SENP1: variants seen among roughly 807,000 people sequenced by gnomAD.
The protein encoded by SENP1 is SUMO specific peptidase 1, also known as sentrin-specific protease 1.
Under a neutral mutation model 93.0 loss-of-function variants are expected in SENP1, and 21 were observed. That is an observed-to-expected ratio of 0.23 (90% CI 0.16 to 0.33). The LOEUF (loss-of-function observed/expected upper bound fraction) is 0.33, where lower values mean the gene tolerates loss of function less well. Among genes scored for constraint, SENP1 ranks in the 10% least tolerant of loss-of-function variants. SENP1 has a pLI of 1.00. For missense variants in SENP1, 591 were observed against 758.7 expected, an observed-to-expected ratio of 0.78 and a Z score of 2.60; for synonymous variants, 256 against 259.6, an observed-to-expected ratio of 0.99 and a Z score of 0.13.
rs1458929913 is a variant in SENP1, at chr12:48,044,333, T to C, written c.*989A>G. Reference sequence around the variant, plus strand: ...CATTCAGTCTTTAAAAAAAAAAGCATATCCCTGTGAAATTTTATACATACA... The same window carrying C: ...CATTCAGTCTTTAAAAAAAAAAGCACATCCCTGTGAAATTTTATACATACA... On this transcript the variant is annotated 3_prime_UTR_variant, in exon 18 of 18. Coordinates refer to ENST00000549518, the MANE Select transcript of SENP1 (RefSeq NM_001267594.2). The C allele has an allele frequency of 6.8e-6, 1 of 147,506 alleles. No individual in the cohort carries two copies. Among genetic ancestry groups the C allele is most frequent in the East Asian group, 2.0e-4 (1 of 5,034 alleles). The allele number at this position is 147,506 out of a possible 1,614,324, so 9.1% of individuals were successfully genotyped here.
At chr12:48,085,450 C>A in intron 5 of SENP1, 1 of 762,906 alleles carries the variant, frequency 1.3e-6, no homozygotes, top group Non-Finnish European at 2.1e-6. Flanking sequence ...CCTCACAGCC[C>A]TCAGCCCTTC....
chr12:48,046,375 C>T lies in SENP1; in HGVS notation c.1853G>A (p.Arg618Lys). The change falls in exon 17 of 18, where the codon AGA becomes AAA. Residue 618 changes from arginine to lysine, a missense_variant. This residue lies in a region of SENP1 where 132 missense variants were observed against 230.1 expected (regional missense o/e 0.57). Coordinates refer to ENST00000549518, the MANE Select transcript of SENP1 (RefSeq NM_001267594.2). ...CKYADCITKDRPINFTQQHMP... is the reference protein window; with the variant it reads ...CKYADCITKDKPINFTQQHMP... The stretch of plus-strand genomic sequence containing the variant: ...GCTCACCTGTGTGAAGTTGATTGGT[C>T]TGTCTTTGGTAATACAGTCAGCATA... 6.2e-7 allele frequency: 1 copy of T among 1,612,828 alleles called. No homozygotes were observed. The highest frequency in any genetic ancestry group is 8.5e-7 in the Non-Finnish European group (1 of 1,178,970).
At chr12:48,060,584 A>G (rs1009918797) in intron 13 of SENP1, among the ~76,000 whole-genome samples, 3 of 152,076 alleles carry the variant, frequency 2.0e-5, no homozygotes, top group Admixed American at 2.0e-4. Flanking sequence ...CCCTTTTTCT[A>G]AAAAACAGAC....
chr12:48,078,669 C>T (rs1308974361), intron 6 of SENP1, among the ~76,000 whole-genome samples: 5 of 151,906 alleles, frequency 3.3e-5, no homozygotes, highest in African/African-American at 4.8e-5. Flanking sequence ...TACAGGCACC[C>T]GCCACCACGC....
rs191616456 is a variant in SENP1 at position 48,057,010 on chromosome 12, C to T, written c.1407+6700G>A. ...TATAAATATATTATTTAATATATTA[C>T]ATATTACATATATAAATATATTATT... On this transcript the variant is annotated intron_variant, in intron 13 of 17. Coordinates refer to ENST00000549518, the MANE Select transcript of SENP1 (RefSeq NM_001267594.2). Among the ~76,000 whole-genome samples, 241 of 41,918 alleles carry T rather than the reference C, an allele frequency of 5.7e-3. 29 individuals carry two copies. In the East Asian group the frequency reaches 0.091, roughly 16 times the overall value. 27.5% of individuals were successfully genotyped at this position (41,918 alleles called of 152,430 possible).
In SENP1 at chr12:48,091,204, C is replaced by T. The variant is rs191664839; in HGVS notation, c.221-2244G>A. Among the ~76,000 whole-genome samples the T allele has an allele frequency of 2.4e-3, 370 of 152,282 alleles. 1 individual carries two copies. Among genetic ancestry groups the T allele is most frequent in the Non-Finnish European group, 4.6e-3 (315 of 68,012 alleles). On this transcript the variant is annotated intron_variant, in intron 4 of 17. Transcript: ENST00000549518. ...GTAGCTCACGCCTGTAATCCCAACA[C>T]TTTGGGAGGCGGAGGCAGGTGGATC...
At chr12:48,053,200 G>A (rs920058553) in intron 13 of SENP1, among the ~76,000 whole-genome samples, 1 of 152,098 alleles carries the variant, frequency 6.6e-6, no homozygotes, top group Non-Finnish European at 1.5e-5. Context: ...ACAAAGCTGG[G>A]TGTGGGCTCC....
Position 48,078,317 on chromosome 12 carries a change from TTATA to T in SENP1, c.553-3528_553-3525del, listed in dbSNP as rs370021236. ...GTTTTTTGGTGGAGTCTGTAGGATT[TTATA>T]TATATATATATATACACACACATAT... On this transcript the variant is annotated intron_variant, in intron 6 of 17. Coordinates refer to ENST00000549518, the MANE Select transcript of SENP1 (RefSeq NM_001267594.2). Among the ~76,000 whole-genome samples the T allele has an allele frequency of 4.1e-4, 29 of 70,736 alleles. 1 individual carries two copies. The highest frequency in any genetic ancestry group is 1.3e-3 in the South Asian group (2 of 1,526). The allele number at this position is 70,736 out of a possible 152,430, so 46.4% of individuals were successfully genotyped here.
chr12:48,071,114 A>G (rs1022605344), intron 9 of SENP1, among the ~76,000 whole-genome samples: 4 of 152,094 alleles, frequency 2.6e-5, no homozygotes, highest in African/African-American at 9.7e-5. Flanking sequence ...AACAAATGAA[A>G]AAAGAGCAAG....
chr12:48,077,728 C>T (rs912733379), intron 6 of SENP1, among the ~76,000 whole-genome samples: 14 of 151,994 alleles, frequency 9.2e-5, no homozygotes, highest in Non-Finnish European at 4.4e-5. Flanking sequence ...GCTATTCCTC[C>T]CCACTCCCCC....
chr12:48,057,613 T>C (rs1942644077), intron 13 of SENP1, among the ~76,000 whole-genome samples: 1 of 105,838 alleles, frequency 9.4e-6, no homozygotes, highest in African/African-American at 4.3e-5. Flanking sequence ...ATTTTATATA[T>C]GTATATATTT....
chr12:48,067,273 G>A (rs1296681589), intron 9 of SENP1, among the ~76,000 whole-genome samples: 2 of 152,160 alleles, frequency 1.3e-5, no homozygotes, highest in African/African-American at 4.8e-5. Context: ...ACGTGAAAGA[G>A]GACATCACTT....
chr12:48,076,787 T>G (rs1016981409), intron 6 of SENP1, among the ~76,000 whole-genome samples: 1 of 151,206 alleles, frequency 6.6e-6, no homozygotes, highest in African/African-American at 2.4e-5. Context: ...GAACTACAGG[T>G]GTGCGCCACC....
intron 8 of SENP1, among the ~76,000 whole-genome samples, chr12:48,073,524 G>A (rs1287803614): frequency 6.6e-6 from 1 of 151,970 alleles, no homozygotes; most frequent in Non-Finnish European, 1.5e-5. Context: ...CTTGTTTTAA[G>A]TTGCATACCT....
intron 6 of SENP1, among the ~76,000 whole-genome samples, chr12:48,077,585 CT>C (rs375395018): frequency 0.015 from 2,306 of 151,450 alleles, 77 homozygotes; most frequent in African/African-American, 0.053. Context: ...AACGGGTTCA[CT>C]TTTTTTTTCG....
At chr12:48,053,096 T>C (rs1001257507) in intron 13 of SENP1, among the ~76,000 whole-genome samples, 1 of 152,188 alleles carries the variant, frequency 6.6e-6, no homozygotes, top group Non-Finnish European at 1.5e-5. Flanking sequence ...ATCACTCAGA[T>C]TTAACTACTC....
rs1943215829 is a variant in SENP1 at position 48,065,201 on chromosome 12, T to C, written c.1139A>G (p.His380Arg). The C allele has an allele frequency of 6.2e-7, 1 of 1,604,478 alleles. No individual in the cohort carries two copies. The highest frequency in any genetic ancestry group is 2.2e-5 in the East Asian group (1 of 44,720). Residue 380 changes from histidine (H) to arginine (R), a missense_variant, in exon 12 of 18, where the codon CAT (histidine) becomes CGT (arginine). By Grantham distance (29) the His-to-Arg change is conservative. Coordinates refer to ENST00000549518, the MANE Select transcript of SENP1 (RefSeq NM_001267594.2). ...TAGTTCTACTGAATCATGTACTGAA[T>C]GTTCCCGCTCCTGCAATCTCTGAAA... ...LQNQRLQERE[H>R]SVHDSVELHL... is the part of the protein sequence containing the mutation.
intron 15 of SENP1, 85 bp from the exon 16 acceptor site, chr12:48,047,147 G>C (rs998883889): frequency 2.3e-5 from 19 of 810,406 alleles, no homozygotes; most frequent in Non-Finnish European, 3.7e-5. Flanking sequence ...ACAATACCTA[G>C]GAACAAATTT....
In SENP1 at chr12:48,047,548, A is replaced by C. The variant is rs61520103; in HGVS notation, c.1691+453T>G. Among the ~76,000 whole-genome samples the C allele has an allele frequency of 6.8e-3, 1,037 of 152,322 alleles. 16 individuals are homozygous for C. Among genetic ancestry groups the C allele is most frequent in the African/African-American group, 0.024 (986 of 41,576 alleles). On this transcript the variant is annotated intron_variant, in intron 15 of 17. Transcript: ENST00000549518. Reference sequence around the variant, plus strand: ...GCTCTCTTTTAAGTGCAAACTGTTCACCATTGTGGAATGTACTTCCTCCTG... The same window carrying C: ...GCTCTCTTTTAAGTGCAAACTGTTCCCCATTGTGGAATGTACTTCCTCCTG...
Sources: allele counts gnomAD v4.1 joint callset (sites outside exome capture counted in the v4.1 genomes callset), GRCh38; gene constraint gnomAD v4.1.1; regional missense constraint gnomAD v4.1.1; transcripts MANE v1.5; gene names NCBI Gene and HGNC (gene_info 2026-07-23, HGNC 2026-07-21).